Variants in ZCCHC2 observed in about 807,000 individuals in gnomAD.
ZCCHC2 encodes the protein zinc finger CCHC domain-containing protein 2.
A neutral mutation model predicts 103.6 loss-of-function variants in ZCCHC2; 39 were observed. The observed-to-expected ratio is 0.38, with a 90% confidence interval of 0.29 to 0.49. The LOEUF is 0.49. ZCCHC2 is among the 20% of genes least tolerant of loss of function. ZCCHC2 has a pLI of 0.96. For missense variants in ZCCHC2, 1,483 were observed against 1,491.0 expected (o/e 0.99, Z 0.09); for synonymous variants, 687 against 608.9 (o/e 1.13, Z -1.89).
intron 12 of ZCCHC2, among the ~76,000 whole-genome samples, chr18:62,573,174 A>G (rs747134961): frequency 2.0e-5 from 3 of 152,192 alleles, no homozygotes; most frequent in Non-Finnish European, 2.9e-5. Context: ...AATTCAGCTT[A>G]TCCATACAAG....
At chr18:62,542,672 T>TA in intron 3 of ZCCHC2, 98 bp downstream of exon 3, 1 of 1,028,528 alleles carries the variant, frequency 9.7e-7, no homozygotes, top group Non-Finnish European at 1.4e-6. Flanking sequence ...AAAAGGTATA[T>TA]ATGTTTGTTT....
At position 62,563,106 on chromosome 18, in the gene ZCCHC2, A is replaced by G. The variant is rs754867402; in HGVS notation, c.1648A>G (p.Ile550Val). 1.2e-6 allele frequency: 2 copies of G among 1,613,956 alleles called. No individual in the cohort carries two copies. The highest frequency in any genetic ancestry group is 3.3e-5 in the Admixed American group (2 of 60,026). ...TTGGAGGAAGCAAAGCTGTACCACCATTCAACACCCAGAGCACTGTGTGAC... is the reference window on the plus strand; with the variant it reads ...TTGGAGGAAGCAAAGCTGTACCACCGTTCAACACCCAGAGCACTGTGTGAC... ...VDWRKQSCTT[I>V]QHPEHCVTSA... The change falls in exon 9 of 14, where the codon ATT becomes GTT. Residue 550 changes from isoleucine (I) to valine (V), a missense_variant. Ile to Val is a conservative substitution (Grantham distance 29). Around this residue, in one of 3 missense-constraint regions of ZCCHC2, gnomAD observed 884 missense variants for 907.5 expected, o/e 0.97. Coordinates refer to ENST00000269499, the MANE Select transcript of ZCCHC2 (RefSeq NM_017742.6).
rs754016398 is a variant in ZCCHC2 at position 62,539,765 on chromosome 18, G to A, written c.1024G>A (p.Val342Met). ...TCCAATACCTCAGGACGGACTTACC[G>A]TGGCACCTCACAGAGCTCAGCGAGA... Reference protein sequence around the residue: ...QAPIPQDGLTVAPHRAQREAV... With the variant: ...QAPIPQDGLTMAPHRAQREAV... Residue 342 changes from valine (V) to methionine (M), a missense_variant, in exon 2 of 14, where the codon GTG (valine) becomes ATG (methionine). By Grantham distance (21) the Val-to-Met change is conservative. Around this residue, in one of 3 missense-constraint regions of ZCCHC2, gnomAD observed 568 missense variants for 525.1 expected, o/e 1.08. Coordinates refer to ENST00000269499, the MANE Select transcript of ZCCHC2 (RefSeq NM_017742.6). 28 of 1,608,182 alleles carry A rather than the reference G, an allele frequency of 1.7e-5. No individual in the cohort carries two copies. In the East Asian group the frequency reaches 2.5e-4, roughly 14 times the overall value.
chr18:62,568,064 C>G (rs754872762), intron 11 of ZCCHC2, among the ~76,000 whole-genome samples: 7 of 151,686 alleles, frequency 4.6e-5, no homozygotes, highest in Non-Finnish European at 1.0e-4. Context: ...TGCTTGATCT[C>G]TCAGTTTCTT....
chr18:62,540,150 T>C (rs550857827), intron 2 of ZCCHC2, among the ~76,000 whole-genome samples: 12 of 152,360 alleles, frequency 7.9e-5, no homozygotes, highest in African/African-American at 2.9e-4. Context: ...ATGAATTTTA[T>C]ACAAGTTCTC....
chr18:62,538,326 C>G (rs1915022714), intron 1 of ZCCHC2, among the ~76,000 whole-genome samples: 1 of 150,568 alleles, frequency 6.6e-6, no homozygotes, highest in Non-Finnish European at 1.5e-5. Flanking sequence ...GTTAACACAA[C>G]TATTTGAGAG....
At chr18:62,547,077 C>A (rs1324780678) in intron 4 of ZCCHC2, among the ~76,000 whole-genome samples, 1 of 152,154 alleles carries the variant, frequency 6.6e-6, no homozygotes, top group South Asian at 2.1e-4. Flanking sequence ...GTAATCCCAG[C>A]GCTTTAGGAG....
chr18:62,526,838 C>T (rs1914431008), intron 1 of ZCCHC2: 2 of 151,848 alleles, frequency 1.3e-5, no homozygotes, highest in African/African-American at 4.8e-5. Flanking sequence ...TCCCACGTGA[C>T]CGGCGCGCCG....
downstream of ZCCHC2, among the ~76,000 whole-genome samples, chr18:62,579,844 T>C (rs2121911418): frequency 6.6e-6 from 1 of 152,150 alleles, no homozygotes; most frequent in East Asian, 1.9e-4. Context: ...TGCCTCAGCC[T>C]CTCAAGTAGC....
chr18:62,565,143 C>G (rs761628925), intron 11 of ZCCHC2, 47 bp downstream of exon 11: 20 of 1,329,026 alleles, frequency 1.5e-5, no homozygotes, highest in Non-Finnish European at 1.9e-5. Flanking sequence ...TAAATATATT[C>G]AGCATGATAC....
chr18:62,564,588 G>A lies in ZCCHC2; in HGVS notation c.1704G>A (p.Arg568=). 6.5e-7 allele frequency: 1 copy of A among 1,540,364 alleles called. No homozygotes were observed. The highest frequency in any genetic ancestry group is 8.8e-7 in the Non-Finnish European group (1 of 1,142,224). ...TCTACTAGCATTCTGCTGAAAAACG[G>A]AGTTTATCTTCAATAAATAAGAAGA... ...TSADQHSAEK[R]SLSSINKKKG... is the part of the protein sequence containing the mutation. Residue 568 remains arginine (R), a synonymous_variant, in exon 10 of 14, where the codon CGG becomes CGA. Coordinates refer to ENST00000269499, the MANE Select transcript of ZCCHC2 (RefSeq NM_017742.6).
rs910050469 is a variant in ZCCHC2 at position 62,524,165 on chromosome 18, C to T, written c.741C>T (p.Val247=). ...AAGGCGGCATTGTGGAGCCCCGGGT[C>T]GGCGGCGGGCTTGGCTCCAGGGCCC... ...GPEGGIVEPR[V]GGGLGSRAQE... is the part of the protein sequence containing the mutation. Residue 247 remains valine (V), a synonymous_variant, in exon 1 of 14, where the codon GTC becomes GTT. Transcript: ENST00000269499. 4 of 1,546,858 alleles carry T rather than the reference C, an allele frequency of 2.6e-6. No homozygotes were observed. Among genetic ancestry groups the T allele is most frequent in the Non-Finnish European group, 3.5e-6 (4 of 1,146,056 alleles).
intron 1 of ZCCHC2, among the ~76,000 whole-genome samples, chr18:62,529,208 A>C (rs1914578591): frequency 6.6e-6 from 1 of 151,714 alleles, no homozygotes; most frequent in African/African-American, 2.4e-5. Context: ...GACCAGTTCT[A>C]ATGCTCACTG....
Position 62,578,500 on chromosome 18 carries a change from G to A in ZCCHC2, c.*1921G>A, listed in dbSNP as rs538385974. On this transcript the variant is annotated 3_prime_UTR_variant, in exon 14 of 14. Coordinates refer to ENST00000269499, the MANE Select transcript of ZCCHC2 (RefSeq NM_017742.6). ...ATTTGAAATGTTATGTACTGGAAAG[G>A]CCACTTATATTTCTAGAACAGATTG... The A allele has an allele frequency of 1.3e-5, 2 of 152,692 alleles. No homozygotes were observed. The highest frequency in any genetic ancestry group is 4.1e-4 in the South Asian group (2 of 4,828). The allele number at this position is 152,692 out of a possible 1,614,324, so 9.5% of individuals were successfully genotyped here.
At position 62,523,734 on chromosome 18, in the gene ZCCHC2, C is replaced by T. The variant is rs1353576492; in HGVS notation, c.310C>T (p.Leu104=). ...GGAGCGGGTATACGAGTGGTTCGGG[C>T]TGGTGCTGGGCTCGGCGCAGCGCCT... ...EQERVYEWFG[L]VLGSAQRLEF... is the part of the protein sequence containing the mutation. Residue 104 remains leucine, a synonymous_variant, in exon 1 of 14, where the codon CTG becomes TTG. Coordinates refer to ENST00000269499, the MANE Select transcript of ZCCHC2 (RefSeq NM_017742.6). The T allele has an allele frequency of 1.0e-5, 16 of 1,525,276 alleles. No homozygotes were observed. The highest frequency in any genetic ancestry group is 1.3e-5 in the Non-Finnish European group (15 of 1,143,298). 94.5% of individuals were successfully genotyped at this position (1,525,276 alleles called of 1,614,324 possible).
At chr18:62,549,818 G>T (rs1318903048) in intron 4 of ZCCHC2, among the ~76,000 whole-genome samples, 1 of 152,118 alleles carries the variant, frequency 6.6e-6, no homozygotes, top group Non-Finnish European at 1.5e-5. Context: ...AATATTGAGG[G>T]TTTCTCACCC....
At chr18:62,556,000 G>A (rs1915869913) in intron 5 of ZCCHC2, among the ~76,000 whole-genome samples, 1 of 152,132 alleles carries the variant, frequency 6.6e-6, no homozygotes, top group Non-Finnish European at 1.5e-5. Context: ...CTATTTAGTC[G>A]ATTCTTGCAA....
intron 1 of ZCCHC2, among the ~76,000 whole-genome samples, chr18:62,528,507 G>T (rs1322298513): frequency 6.6e-6 from 1 of 151,636 alleles, no homozygotes; most frequent in Non-Finnish European, 1.5e-5. Flanking sequence ...GCTGAGGCAG[G>T]AGAATCGCTT....
chr18:62,566,309 G>A (rs1916361929), intron 11 of ZCCHC2, among the ~76,000 whole-genome samples: 1 of 152,182 alleles, frequency 6.6e-6, no homozygotes, highest in African/African-American at 2.4e-5. Context: ...TGAAGCATTG[G>A]AAGTGGGAGT....
Sources: allele counts gnomAD v4.1 joint callset (sites outside exome capture counted in the v4.1 genomes callset), GRCh38; gene constraint gnomAD v4.1.1; regional missense constraint gnomAD v4.1.1; transcripts MANE v1.5; gene names NCBI Gene and HGNC (gene_info 2026-07-23, HGNC 2026-07-21).